Variants in ADAM12 observed in about 807,000 individuals in gnomAD.
The protein encoded by ADAM12 is ADAM metallopeptidase domain 12, also known as disintegrin and metalloproteinase domain-containing protein 12.
A neutral mutation model predicts 106.4 loss-of-function variants in ADAM12; 70 were observed. The observed-to-expected ratio is 0.66, with a 90% CI of 0.54 to 0.80. ADAM12 has a LOEUF of 0.80. ADAM12 is among the 30% of genes least tolerant of loss of function. The pLI is 0.00. For synonymous variants in ADAM12, 420 were observed against 433.5 expected (o/e 0.97, Z 0.39); for missense variants, 1,010 against 1,171.9 (o/e 0.86, Z 2.02).
At chr10:126,035,534 T>C (rs917802688) in intron 21 of ADAM12, among the ~76,000 whole-genome samples, 18 of 152,178 alleles carry the variant, frequency 1.2e-4, no homozygotes, top group South Asian at 2.1e-4. Flanking sequence ...AAAATATTAA[T>C]AGCAGTGAAA....
chr10:126,376,735 G>T (rs1856308052), intron 1 of ADAM12, among the ~76,000 whole-genome samples: 1 of 152,162 alleles, frequency 6.6e-6, no homozygotes, highest in Non-Finnish European at 1.5e-5. Flanking sequence ...ACAGTATTTT[G>T]CAGAACTTAG....
chr10:126,348,101 C>T (rs1383943455), intron 1 of ADAM12, among the ~76,000 whole-genome samples: 2 of 152,148 alleles, frequency 1.3e-5, no homozygotes, highest in African/African-American at 2.4e-5. Context: ...TGTCTTAGCA[C>T]CTGTACATTT....
At chr10:126,134,149 C>T (rs1375347451) in intron 5 of ADAM12, among the ~76,000 whole-genome samples, 1 of 152,214 alleles carries the variant, frequency 6.6e-6, no homozygotes, top group Non-Finnish European at 1.5e-5. Context: ...AAGGCACCTC[C>T]TTCACTTTTC....
chr10:126,226,083 C>T (rs758430946), intron 3 of ADAM12, among the ~76,000 whole-genome samples: 2 of 151,912 alleles, frequency 1.3e-5, no homozygotes, highest in East Asian at 1.9e-4. Context: ...ACAGACCACC[C>T]GTGCAAGCCA....
At chr10:126,204,281 C>T (rs912215993) in intron 3 of ADAM12, among the ~76,000 whole-genome samples, 3 of 152,198 alleles carry the variant, frequency 2.0e-5, no homozygotes, top group Non-Finnish European at 4.4e-5. Flanking sequence ...CTTCCCTTTC[C>T]CCTCCATTAG....
chr10:126,043,009 C>T lies in ADAM12; in HGVS notation c.2104+31G>A, dbSNP rs776108494. ...CCACCCGCCCCCAGGTGCTCAGCCT[C>T]CTCCCACCGGGATGCAGGGGCTTCA... is the stretch of plus-strand genomic sequence containing the variant. On this transcript the variant is annotated intron_variant, in intron 18 of 22. Transcript: ENST00000448723. The surrounding 1 kb of genome is among the most constrained non-coding windows in gnomAD (Gnocchi z 4.1). The T allele has an allele frequency of 1.2e-6, 2 of 1,606,916 alleles. No homozygotes were observed. The highest frequency in any genetic ancestry group is 1.3e-5 in the African/African-American group (1 of 74,836).
chr10:126,100,902 G>A (rs1367817145), intron 9 of ADAM12, among the ~76,000 whole-genome samples, 170 bp downstream of exon 9: 2 of 152,188 alleles, frequency 1.3e-5, no homozygotes, highest in African/African-American at 4.8e-5. Context: ...CAGACCTTCA[G>A]TTCCAGGTGA....
chr10:126,277,217 CT>C (rs1565185809), intron 3 of ADAM12, among the ~76,000 whole-genome samples: 2 of 152,138 alleles, frequency 1.3e-5, no homozygotes, highest in African/African-American at 2.4e-5. Context: ...CCCTTCCCCC[CT>C]ATAATGTTCA....
rs374226072 is a variant in ADAM12 at position 126,200,681 on chromosome 10, G to A, written c.261-45376C>T. Reference sequence around the variant, plus strand: ...TCTCCAGGAACGTTAGCTATTTATGGCAAGAGCAACATCAGCAGCAACAAA... The same window carrying A: ...TCTCCAGGAACGTTAGCTATTTATGACAAGAGCAACATCAGCAGCAACAAA... On this transcript the variant is annotated intron_variant, in intron 3 of 22. Coordinates refer to ENST00000448723, the MANE Select transcript of ADAM12 (RefSeq NM_001288973.2). 7.7e-4 allele frequency among the ~76,000 whole-genome samples: 118 copies of A among 152,308 alleles called. 4 individuals are homozygous for A. The South Asian group carries it at 0.023, about 29-fold the overall frequency.
chr10:126,135,479 A>G, intron 5 of ADAM12, 105 bp downstream of exon 5: 1 of 1,080,752 alleles, frequency 9.3e-7, no homozygotes, highest in South Asian at 1.4e-5. Flanking sequence ...CTGAGCTGGG[A>G]GCCCCCATCA....
chr10:126,340,798 A>G (rs1358750562), intron 1 of ADAM12, among the ~76,000 whole-genome samples: 1 of 149,890 alleles, frequency 6.7e-6, no homozygotes, highest in Non-Finnish European at 1.5e-5. Flanking sequence ...GCTCACTGCA[A>G]CCTCCACCTC....
chr10:126,160,735 C>T (rs1473132478), intron 3 of ADAM12, among the ~76,000 whole-genome samples: 2 of 152,160 alleles, frequency 1.3e-5, no homozygotes, highest in Non-Finnish European at 2.9e-5. Context: ...GGGTGAAATC[C>T]CAACGCCTCC....
chr10:126,035,620 G>T (rs1051243573), intron 21 of ADAM12, among the ~76,000 whole-genome samples: 1 of 152,000 alleles, frequency 6.6e-6, no homozygotes, highest in Non-Finnish European at 1.5e-5. Context: ...AATATCATTC[G>T]TTATTGCAGC....
At chr10:126,102,270 A>G (rs1027556142) in intron 8 of ADAM12, among the ~76,000 whole-genome samples, 15 of 152,138 alleles carry the variant, frequency 9.9e-5, no homozygotes, top group Admixed American at 9.8e-4. Flanking sequence ...AAATCTTTCA[A>G]TGCCCCTAGT....
intron 11 of ADAM12, among the ~76,000 whole-genome samples, chr10:126,078,405 C>T (rs531012133): frequency 4.6e-5 from 7 of 152,248 alleles, no homozygotes; most frequent in South Asian, 2.1e-4. Flanking sequence ...CCTCTCCAGC[C>T]GTTCTCCAAG....
At chr10:126,279,009 G>A in intron 2 of ADAM12, 21 bp from the exon 3 acceptor site, 2 of 1,600,494 alleles carry the variant, frequency 1.2e-6, no homozygotes, top group Non-Finnish European at 1.7e-6. Flanking sequence ...AACAACAAAA[G>A]TCAGTTGAAA....
At position 126,066,760 on chromosome 10, in the gene ADAM12, G is replaced by A. The variant is rs761670828; in HGVS notation, c.1370C>T (p.Pro457Leu). 10 of 1,614,020 alleles carry A rather than the reference G, an allele frequency of 6.2e-6. No homozygotes were observed. Among genetic ancestry groups the A allele is most frequent in the Admixed American group, 5.0e-5 (3 of 59,996 alleles). ...CCNATTCTLKPDAVCAHGLCC... is the reference protein window; with the variant it reads ...CCNATTCTLKLDAVCAHGLCC... ...CAGCCCATGTGCGCACACAGCGTCC[G>A]GCTTCAGGGTACAGGTGGTGGCATT... Residue 457 changes from proline (P) to leucine (L), a missense_variant, in exon 13 of 23, where the codon CCG becomes CTG. Pro to Leu is a moderately conservative substitution (Grantham distance 98). Around this residue, in one of 3 missense-constraint regions of ADAM12, gnomAD observed 615 missense variants for 708.5 expected, o/e 0.87. Transcript: ENST00000448723. The surrounding 1 kb of genome is among the most constrained non-coding windows in gnomAD (Gnocchi z 5.1).
intron 3 of ADAM12, among the ~76,000 whole-genome samples, chr10:126,248,685 GTATTTATT>G (rs141233066): frequency 4.1e-3 from 275 of 67,090 alleles, no homozygotes; most frequent in Non-Finnish European, 5.1e-3. Context: ...ATGTATGTAT[GTATTTATT>G]TATTTATTTA....
At chr10:126,210,598 C>T (rs925137041) in intron 3 of ADAM12, among the ~76,000 whole-genome samples, 1 of 152,096 alleles carries the variant, frequency 6.6e-6, no homozygotes, top group African/African-American at 2.4e-5. Flanking sequence ...TAAAAGAAGT[C>T]CAGTGAAGAA....
Sources: gnomAD v4.1 joint callset for allele counts (sites outside exome capture counted in the v4.1 genomes callset) on GRCh38, gnomAD v4.1.1 for gene constraint, gnomAD v4.1.1 regional missense constraint, Gnocchi (gnomAD v3.1) non-coding constraint, MANE v1.5 for transcripts, NCBI Gene and HGNC (gene_info 2026-07-23, HGNC 2026-07-21) for gene names.